Variants in MYO10 observed in about 807,000 individuals in gnomAD.
The protein encoded by MYO10 is myosin X, also known as unconventional myosin-X.
A neutral mutation model predicts 257.3 loss-of-function variants in MYO10; 133 were observed. The observed-to-expected ratio is 0.52, with a 90% CI of 0.45 to 0.60. The LOEUF is 0.60. Ranked by LOEUF, MYO10 falls within the 20% of genes least tolerant of loss-of-function variation. The pLI, the probability that MYO10 is intolerant of heterozygous loss-of-function variation, is 0.00. For missense variants in MYO10, 2,399 were observed against 2,635.7 expected, an observed-to-expected ratio of 0.91 and a Z score of 1.97; for synonymous variants, 1,104 against 1,028.6, an observed-to-expected ratio of 1.07 and a Z score of -1.40.
At chr5:16,772,875 G>A (rs1466318892) in intron 9 of MYO10, among the ~76,000 whole-genome samples, 1 of 152,154 alleles carries the variant, frequency 6.6e-6, no homozygotes, top group African/African-American at 2.4e-5. Context: ...CCGTATACCA[G>A]AGGGACTAAA....
At chr5:16,787,806 T>C (rs1048752010) in intron 4 of MYO10, among the ~76,000 whole-genome samples, 2 of 151,050 alleles carry the variant, frequency 1.3e-5, no homozygotes, top group African/African-American at 2.4e-5. Flanking sequence ...GATCGTTCTT[T>C]TGTGTGTGTG....
chr5:16,911,883 CA>C (rs1432017212), intron 1 of MYO10, among the ~76,000 whole-genome samples: 3 of 151,950 alleles, frequency 2.0e-5, no homozygotes, highest in African/African-American at 7.3e-5. Flanking sequence ...ACTAAAAATA[CA>C]AAAATTAGCC....
chr5:16,781,408 A>AT (rs890654748), intron 6 of MYO10, among the ~76,000 whole-genome samples: 3 of 151,868 alleles, frequency 2.0e-5, no homozygotes. Context: ...AAATTATTTT[A>AT]TTTTTTTAAG....
intron 6 of MYO10, among the ~76,000 whole-genome samples, chr5:16,781,006 TG>T (rs1741404496): frequency 6.6e-6 from 1 of 152,132 alleles, no homozygotes; most frequent in African/African-American, 2.4e-5. Context: ...AGTTTAATGA[TG>T]AAGTCAATGT....
intron 2 of MYO10, among the ~76,000 whole-genome samples, chr5:16,837,403 C>T (rs1743347367): frequency 6.6e-6 from 1 of 152,116 alleles, no homozygotes; most frequent in Non-Finnish European, 1.5e-5. Flanking sequence ...TTTCCATTTA[C>T]ATAATATGTC....
intron 2 of MYO10, among the ~76,000 whole-genome samples, chr5:16,858,051 G>A (rs1744008719): frequency 1.3e-5 from 2 of 152,170 alleles, no homozygotes; most frequent in African/African-American, 4.8e-5. Flanking sequence ...CAACTCCTCA[G>A]CTGTGCCACA....
intron 4 of MYO10, among the ~76,000 whole-genome samples, chr5:16,789,730 C>A (rs1211403784): frequency 6.6e-6 from 1 of 152,040 alleles, no homozygotes; most frequent in African/African-American, 2.4e-5. Flanking sequence ...GAGGAGGAGC[C>A]GAGATTGTGC....
intron 18 of MYO10, among the ~76,000 whole-genome samples, chr5:16,756,852 G>A (rs1560967979): frequency 6.6e-6 from 1 of 152,066 alleles, no homozygotes; most frequent in Non-Finnish European, 1.5e-5. Context: ...TGTAATTCCA[G>A]CACTTTGGGA....
intron 1 of MYO10, among the ~76,000 whole-genome samples, chr5:16,922,469 C>G (rs1044309488): frequency 6.6e-6 from 1 of 152,142 alleles, no homozygotes; most frequent in African/African-American, 2.4e-5. Flanking sequence ...ATGACTGGCT[C>G]TCTAGAAAAT....
chr5:16,790,303 T>C (rs1741713684), intron 4 of MYO10, among the ~76,000 whole-genome samples: 3 of 152,130 alleles, frequency 2.0e-5, no homozygotes, highest in African/African-American at 4.8e-5. Flanking sequence ...CCAGACACTG[T>C]GCTGGGTACC....
Position 16,670,875 on chromosome 5 carries a change from T to G in MYO10, c.5534A>C (p.His1845Pro). ...LQYLQGDYTL[H>P]AAIPPLEEVY... ...CTCTTCGAGAGGTGGGATGGCAGCG[T>G]GCAGAGTATAATCCCCCTGCAGATA... Residue 1845 changes from histidine (H) to proline (P), a missense_variant, in exon 39 of 41, where the codon CAC (histidine) becomes CCC (proline). Physicochemically the swap from His to Pro is moderately conservative, Grantham distance 77 (BLOSUM62 -2). Coordinates refer to ENST00000513610, the MANE Select transcript of MYO10 (RefSeq NM_012334.3). 6.2e-7 allele frequency: 1 copy of G among 1,613,968 alleles called. No individual in the cohort carries two copies. The highest frequency in any genetic ancestry group is 8.5e-7 in the Non-Finnish European group (1 of 1,179,872).
intron 2 of MYO10, chr5:16,854,040 G>A (rs889859345): frequency 2.0e-5 from 3 of 152,046 alleles, no homozygotes; most frequent in Admixed American, 1.3e-4. Context: ...GTCTGATCTC[G>A]TGAAGCTAAG....
chr5:16,760,688 G>T (rs904786406), intron 17 of MYO10, among the ~76,000 whole-genome samples: 6 of 152,092 alleles, frequency 3.9e-5, no homozygotes, highest in Admixed American at 3.3e-4. Flanking sequence ...AACCAAGGCT[G>T]AAATCAGCTT....
rs947815337 is a variant in MYO10, at chr5:16,761,502, T to C, written c.1701A>G (p.Thr567=). ...VRGILEKNRD[T]FRDDLLNLLR... ...GCAAATTGAGAAGGTCATCTCGAAA[T>C]GTATCTCTGTTCTTCTCCAAGATAC... Residue 567 remains threonine, a synonymous_variant, in exon 17 of 41, where the codon ACA becomes ACG. Coordinates refer to ENST00000513610, the MANE Select transcript of MYO10 (RefSeq NM_012334.3). 1.4e-5 allele frequency: 23 copies of C among 1,613,570 alleles called. No individual in the cohort carries two copies. Among genetic ancestry groups the C allele is most frequent in the African/African-American group, 8.0e-5 (6 of 74,914 alleles).
Position 16,670,764 on chromosome 5 carries a change from G to A in MYO10, c.5645C>T (p.Thr1882Met), listed in dbSNP as rs532130077. The A allele has an allele frequency of 1.2e-5, 19 of 1,614,008 alleles. No homozygotes were observed. The highest frequency in any genetic ancestry group is 5.5e-5 in the South Asian group (5 of 91,080). ...CCTCAGGGTCCCCTCTAGGAAGCTC[G>A]TCCGCCTCTTCTCCAGCCGTTCACA... ...TPCERLEKRRTSFLEGTLRRS... is the reference protein window; with the variant it reads ...TPCERLEKRRMSFLEGTLRRS... Residue 1882 changes from threonine to methionine, a missense_variant, in exon 39 of 41, where the codon ACG (threonine) becomes ATG (methionine). Thr to Met is a moderately conservative substitution (Grantham distance 81, BLOSUM62 -1). Coordinates refer to ENST00000513610, the MANE Select transcript of MYO10 (RefSeq NM_012334.3).
At chr5:16,688,850 G>C (rs1290986879) in intron 28 of MYO10, among the ~76,000 whole-genome samples, 1 of 152,082 alleles carries the variant, frequency 6.6e-6, no homozygotes, top group Non-Finnish European at 1.5e-5. Flanking sequence ...CAGGACAGAC[G>C]TTCCACGGTG....
Position 16,666,588 on chromosome 5 carries a change from G to A in MYO10, c.*104C>T, listed in dbSNP as rs897633200. 8 of 927,262 alleles carry A rather than the reference G, an allele frequency of 8.6e-6. No homozygotes were observed. The highest frequency in any genetic ancestry group is 1.3e-5 in the Non-Finnish European group (8 of 625,712). 57.4% of individuals were successfully genotyped at this position (927,262 alleles called of 1,614,324 possible). A position where few individuals can be genotyped will look rare whatever the true frequency, so the allele number is the denominator to read the frequency against. ...CAGACCAGAAGCTTCCAGAAAGCCT[G>A]GGCAGCTCTGTGTTTGTTTTGGCTG... On this transcript the variant is annotated 3_prime_UTR_variant, in exon 41 of 41. Transcript: ENST00000513610.
At position 16,671,523 on chromosome 5, in the gene MYO10, C is replaced by T. The variant is rs1280865430; in HGVS notation, c.5329G>A (p.Val1777Ile). ...KFEKLAATSE[V>I]GDLPWKFYFK... ...TAGAATTTCCATGGCAGGTCCCCAACCTCGGATGTGGCAGCCAGCCTACAG... is the reference window on the plus strand; with the variant it reads ...TAGAATTTCCATGGCAGGTCCCCAATCTCGGATGTGGCAGCCAGCCTACAG... The change falls in exon 38 of 41, where the codon GTT becomes ATT. Residue 1777 changes from valine (V) to isoleucine (I), a missense_variant. Val to Ile is a conservative substitution (Grantham distance 29). This residue lies in a region of MYO10 where 1,820 missense variants were observed against 1,939.4 expected (regional missense o/e 0.94). Coordinates refer to ENST00000513610, the MANE Select transcript of MYO10 (RefSeq NM_012334.3). 3.1e-6 allele frequency: 5 copies of T among 1,613,970 alleles called. No homozygotes were observed. Among genetic ancestry groups the T allele is most frequent in the South Asian group, 1.1e-5 (1 of 91,082 alleles).
intron 9 of MYO10, among the ~76,000 whole-genome samples, chr5:16,777,839 CTTTTTTTTTTTTTTT>C (rs61326508): frequency 1.6e-4 from 14 of 88,482 alleles, no homozygotes; most frequent in African/African-American, 7.0e-4. Flanking sequence ...TTGCATCTAA[CTTTTTTTTTTTTTTT>C]TTTTTTTTTT....
Sources: gnomAD v4.1 joint callset for allele counts (sites outside exome capture counted in the v4.1 genomes callset) on GRCh38, gnomAD v4.1.1 for gene constraint, gnomAD v4.1.1 regional missense constraint, MANE v1.5 for transcripts, NCBI Gene and HGNC (gene_info 2026-07-23, HGNC 2026-07-21) for gene names.